GTPBP4: variants seen among roughly 807,000 people sequenced by gnomAD.
GTPBP4 encodes the protein GTP binding protein 4.
A neutral mutation model predicts 81.7 loss-of-function variants in GTPBP4; 15 were observed. The observed-to-expected ratio is 0.18, with a 90% CI of 0.12 to 0.28. GTPBP4 has a LOEUF of 0.28. Ranked by LOEUF, GTPBP4 falls within the 10% of genes least tolerant of loss-of-function variation. GTPBP4 has a pLI of 1.00. For missense variants in GTPBP4, 847 were observed against 793.8 expected (o/e 1.07, Z -0.81); for synonymous variants, 272 against 274.6 (o/e 0.99, Z 0.09).
chr10:1,006,886 G>A (rs1257977692), intron 9 of GTPBP4, 132 bp from the exon 10 acceptor site: 4 of 638,670 alleles, frequency 6.3e-6, no homozygotes, highest in Non-Finnish European at 8.6e-6. Flanking sequence ...CTCAGAGAAT[G>A]TGGCCCCCTA....
intron 9 of GTPBP4, 51 bp downstream of exon 9, chr10:1,005,958 A>G: frequency 2.2e-6 from 2 of 909,998 alleles, no homozygotes; most frequent in Non-Finnish European, 3.4e-6. Context: ...CTCTTGTTTG[A>G]TTCAAGTCAG....
At chr10:1,016,429 C>A (rs894332323) in intron 16 of GTPBP4, among the ~76,000 whole-genome samples, 1 of 152,366 alleles carries the variant, frequency 6.6e-6, no homozygotes, top group Admixed American at 6.5e-5. Flanking sequence ...TTTTATTAAA[C>A]ACAACAACTT....
rs759860810 is a variant in GTPBP4 at position 1,012,682 on chromosome 10, A to G, written c.1542+20A>G. On this transcript the variant is annotated intron_variant, in intron 14 of 16. Transcript: ENST00000360803. ...AAGAAGGCAAGTTTGTGTCTTTCCA[A>G]AGCAGTGTGATCTAGTTTTTGAAAA... The G allele has an allele frequency of 4.8e-5, 76 of 1,577,116 alleles. No individual in the cohort carries two copies. The highest frequency in any genetic ancestry group is 6.1e-5 in the Non-Finnish European group (70 of 1,151,646).
chr10:1,000,758 C>T lies in GTPBP4; in HGVS notation c.736C>T (p.His246Tyr). 1.2e-6 allele frequency: 2 copies of T among 1,605,792 alleles called. No individual in the cohort carries two copies. Among genetic ancestry groups the T allele is most frequent in the Non-Finnish European group, 1.7e-6 (2 of 1,175,736 alleles). Residue 246 changes from histidine to tyrosine, a missense_variant, in exon 7 of 17, where the codon CAC (histidine) becomes TAC (tyrosine). Physicochemically the swap from His to Tyr is moderately conservative, Grantham distance 83. Transcript: ENST00000360803. ...GATGCAGGCCATCACTGCCCTGGCC[C>T]ACCTCCGTGCTGCGGTCCTGTATGT... The part of the protein sequence containing the change: ...IEMQAITALA[H>Y]LRAAVLYVMD...
chr10:1,005,049 T>C (rs962850874), intron 8 of GTPBP4, among the ~76,000 whole-genome samples: 29 of 152,268 alleles, frequency 1.9e-4, no homozygotes, highest in African/African-American at 6.7e-4. Context: ...TCCTCTTGCT[T>C]ACCCCCTCAC....
chr10:1,002,165 C>G (rs895002353), intron 8 of GTPBP4, among the ~76,000 whole-genome samples: 2 of 152,092 alleles, frequency 1.3e-5, no homozygotes, highest in African/African-American at 4.8e-5. Context: ...TCAAGTGATC[C>G]GCCCACCTTG....
chr10:1,000,538 T>A (rs1042937070), intron 6 of GTPBP4, 139 bp from the exon 7 acceptor site: 6 of 459,498 alleles, frequency 1.3e-5, no homozygotes, highest in African/African-American at 2.0e-5. Context: ...CACCCAGCCC[T>A]ACTTTTTTTT....
rs886816254 is a variant in GTPBP4 at position 988,695 on chromosome 10, A to G, written c.48+168A>G. 1.3e-5 allele frequency: 8 copies of G among 615,124 alleles called. No individual in the cohort carries two copies. The African/African-American group carries it at 1.5e-4, about 11-fold the overall frequency. The allele number at this position is 615,124 out of a possible 1,614,324, so 38.1% of individuals were successfully genotyped here. On this transcript the variant is annotated intron_variant, in intron 1 of 16. Coordinates refer to ENST00000360803, the MANE Select transcript of GTPBP4 (RefSeq NM_012341.3). ...TACTCGGGATCATTTCCCCTCCCCC[A>G]GCAGAATCCGGGGTCCACCAGAGAT...
chr10:1,016,468 G>T (rs2132177677), intron 16 of GTPBP4, among the ~76,000 whole-genome samples: 1 of 152,356 alleles, frequency 6.6e-6, no homozygotes, highest in East Asian at 1.9e-4. Flanking sequence ...TAATGGAGAT[G>T]CAGGAGAGTC....
intron 1 of GTPBP4, among the ~76,000 whole-genome samples, chr10:990,786 A>G (rs1015323264): frequency 1.3e-5 from 2 of 148,422 alleles, no homozygotes; most frequent in African/African-American, 2.5e-5. Context: ...TACTAGAAAT[A>G]AAACATTGTT....
intron 8 of GTPBP4, among the ~76,000 whole-genome samples, chr10:1,002,888 G>A (rs2132163832): frequency 6.6e-6 from 1 of 152,206 alleles, no homozygotes; most frequent in Admixed American, 6.5e-5. Flanking sequence ...TGTGCCTTGG[G>A]GAAGACCTTT....
Position 999,070 on chromosome 10 carries a change from T to C in GTPBP4, c.629T>C (p.Met210Thr), listed in dbSNP as rs1245359529. 1 of 1,596,112 alleles carries C rather than the reference T, an allele frequency of 6.3e-7. No individual in the cohort carries two copies. Among genetic ancestry groups the C allele is most frequent in the Admixed American group, 1.7e-5 (1 of 59,994 alleles). The stretch of plus-strand genomic sequence containing the variant: ...ACCAAGTCTCTGTTTGTTGGGCACA[T>C]GGATTATAAGTATCTACGTTGGCAG... ...FTTKSLFVGH[M>T]DYKYLRWQVV... The change falls in exon 6 of 17, where the codon ATG becomes ACG. Residue 210 changes from methionine to threonine, a missense_variant. By Grantham distance (81) the Met-to-Thr change is moderately conservative (BLOSUM62 -1). This residue lies in a region of GTPBP4 where 600 missense variants were observed against 557.1 expected (regional missense o/e 1.08). Coordinates refer to ENST00000360803, the MANE Select transcript of GTPBP4 (RefSeq NM_012341.3).
At chr10:993,412 A>G (rs766260031) in intron 2 of GTPBP4, among the ~76,000 whole-genome samples, 1 of 151,858 alleles carries the variant, frequency 6.6e-6, no homozygotes, top group South Asian at 2.1e-4. Context: ...AACCACGCCT[A>G]ATTTTTGTAT....
chr10:1,011,415 G>A (rs1267980789), intron 13 of GTPBP4, among the ~76,000 whole-genome samples: 2 of 152,246 alleles, frequency 1.3e-5, no homozygotes, highest in Non-Finnish European at 2.9e-5. Context: ...TCTCAGCTGA[G>A]CTGTCTGAAA....
intron 12 of GTPBP4, 106 bp from the exon 13 acceptor site, chr10:1,010,314 G>T (rs1233195972): frequency 1.5e-6 from 1 of 676,900 alleles, no homozygotes; most frequent in South Asian, 1.7e-5. Flanking sequence ...GCTCTCTTCT[G>T]CAGTGGAGTC....
intron 10 of GTPBP4, chr10:1,008,215 C>A (rs544328980): frequency 3.4e-5 from 15 of 442,974 alleles, no homozygotes; most frequent in African/African-American, 3.0e-4. Flanking sequence ...GAGTCTGAGA[C>A]CAGCCTGGCA....
chr10:994,778 G>A (rs149672401), intron 2 of GTPBP4, among the ~76,000 whole-genome samples: 2 of 152,306 alleles, frequency 1.3e-5, no homozygotes, highest in Admixed American at 1.3e-4. Flanking sequence ...CTAGTTATCT[G>A]AGAACAGCTT....
chr10:1,015,307 C>T (rs1176394476), intron 15 of GTPBP4, among the ~76,000 whole-genome samples: 4 of 152,126 alleles, frequency 2.6e-5, no homozygotes, highest in African/African-American at 9.7e-5. Flanking sequence ...GGTTCAGACG[C>T]TCCTCTCCTC....
intron 5 of GTPBP4, among the ~76,000 whole-genome samples, chr10:998,801 C>T (rs2132160433): frequency 6.6e-6 from 1 of 152,284 alleles, no homozygotes; most frequent in African/African-American, 2.4e-5. Context: ...CTCCAAATGC[C>T]AGCCCTCACG....
Sources: gnomAD v4.1 joint callset for allele counts (sites outside exome capture counted in the v4.1 genomes callset) on GRCh38, gnomAD v4.1.1 for gene constraint, gnomAD v4.1.1 regional missense constraint, MANE v1.5 for transcripts, NCBI Gene and HGNC (gene_info 2026-07-23, HGNC 2026-07-21) for gene names.